The following LDLRAD3 variants were observed in gnomAD, a reference collection of about 807,000 sequenced individuals.
The protein encoded by LDLRAD3 is low-density lipoprotein receptor class A domain-containing protein 3.
A neutral mutation model predicts 29.4 loss-of-function variants in LDLRAD3; 20 were observed. The ratio of observed to expected loss-of-function variants is 0.68; its 90% CI spans 0.48 to 0.99. The LOEUF (loss-of-function observed/expected upper bound fraction) is 0.99, where lower values mean the gene tolerates loss of function less well. Among genes scored for constraint, LDLRAD3 ranks in the 50% least tolerant of loss-of-function variants. LDLRAD3 has a pLI of 0.00. For synonymous variants in LDLRAD3, 157 were observed against 192.7 expected, an observed-to-expected ratio of 0.81 and a Z score of 1.53; for missense variants, 420 against 454.3, an observed-to-expected ratio of 0.92 and a Z score of 0.69.
Position 36,153,743 on chromosome 11 carries a change from C to T in LDLRAD3, c.454+55282C>T, listed in dbSNP as rs114041787. Among the ~76,000 whole-genome samples the T allele has an allele frequency of 3.7e-3, 570 of 152,218 alleles. 2 individuals carry two copies. Among genetic ancestry groups the T allele is most frequent in the African/African-American group, 0.013 (546 of 41,534 alleles). ...AACAAAGGAGAAGGGAGGAATGCAGCTATGTGCATATTTATTTGCTCTAGT... is the reference window on the plus strand; with the variant it reads ...AACAAAGGAGAAGGGAGGAATGCAGTTATGTGCATATTTATTTGCTCTAGT... On this transcript the variant is annotated intron_variant, in intron 4 of 5. Transcript: ENST00000315571.
chr11:36,209,926 A>G (rs1398247822), intron 4 of LDLRAD3, among the ~76,000 whole-genome samples: 7 of 152,246 alleles, frequency 4.6e-5, no homozygotes, highest in African/African-American at 1.7e-4. Context: ...ACTGAACAAA[A>G]TAAATGGGTG....
intron 2 of LDLRAD3, 65 bp downstream of exon 2, chr11:36,036,314 C>A: frequency 6.3e-7 from 1 of 1,594,148 alleles, no homozygotes; most frequent in South Asian, 1.1e-5. Context: ...GGAGCAGGTC[C>A]TGAGCAGGCT....
At chr11:36,122,230 G>T (rs1348976275) in intron 4 of LDLRAD3, among the ~76,000 whole-genome samples, 2 of 152,070 alleles carry the variant, frequency 1.3e-5, no homozygotes, top group Admixed American at 6.6e-5. Context: ...AGGAAGGGCT[G>T]TGCTGTGTGC....
chr11:36,227,302 C>T lies in LDLRAD3; in HGVS notation c.672C>T (p.Asp224=). 1 of 1,614,170 alleles carries T rather than the reference C, an allele frequency of 6.2e-7. No homozygotes were observed. Among genetic ancestry groups the T allele is most frequent in the Non-Finnish European group, 8.5e-7 (1 of 1,180,026 alleles). The change falls in exon 5 of 6, where the codon GAC becomes GAT. Residue 224 remains aspartate, a synonymous_variant. Coordinates refer to ENST00000315571, the MANE Select transcript of LDLRAD3 (RefSeq NM_174902.4). The part of the protein sequence containing the change: ...PVLLSRLVVL[D]HPHHCNVTYN... Reference sequence around the variant, plus strand: ...TGCTGTCCCGCCTGGTGGTCCTGGACCACCCCCACCACTGCAACGTCACCT... The same window carrying T: ...TGCTGTCCCGCCTGGTGGTCCTGGATCACCCCCACCACTGCAACGTCACCT...
intron 2 of LDLRAD3, among the ~76,000 whole-genome samples, chr11:36,046,180 A>G (rs1461195548): frequency 6.6e-6 from 1 of 152,064 alleles, no homozygotes; most frequent in Non-Finnish European, 1.5e-5. Flanking sequence ...TCCATGGTAT[A>G]TATGTGCCAC....
chr11:36,203,226 C>G (rs1855153144), intron 4 of LDLRAD3, among the ~76,000 whole-genome samples: 1 of 152,152 alleles, frequency 6.6e-6, no homozygotes, highest in South Asian at 2.1e-4. Context: ...TCTCAGCCTC[C>G]AAAAGTGCTG....
intron 4 of LDLRAD3, among the ~76,000 whole-genome samples, chr11:36,221,486 C>T (rs1194253981): frequency 6.6e-6 from 1 of 151,990 alleles, no homozygotes; most frequent in Non-Finnish European, 1.5e-5. Flanking sequence ...GAAGCACCTA[C>T]AGGGAGAGAA....
chr11:36,026,965 C>T lies in LDLRAD3; in HGVS notation c.47-9138C>T, dbSNP rs1270043831. On this transcript the variant is annotated intron_variant, in intron 1 of 5. Transcript: ENST00000315571. ...GAGTAGGCATTCTTTTATTCTTTTGCTTTCTTAATAAACTTGCTCTCACGT... is the reference window on the plus strand; with the variant it reads ...GAGTAGGCATTCTTTTATTCTTTTGTTTTCTTAATAAACTTGCTCTCACGT... Among the ~76,000 whole-genome samples, 5 of 152,172 alleles carry T rather than the reference C, an allele frequency of 3.3e-5. No individual in the cohort carries two copies. In the East Asian group the frequency reaches 9.6e-4, roughly 29 times the overall value.
intron 4 of LDLRAD3, among the ~76,000 whole-genome samples, chr11:36,155,507 C>T (rs145263745): frequency 1.2e-3 from 186 of 152,290 alleles, no homozygotes; most frequent in African/African-American, 4.3e-3. Flanking sequence ...CGCTGGCCTC[C>T]GTGCCTGGAA....
rs141925996 is a variant in LDLRAD3 at position 36,124,147 on chromosome 11, A to T, written c.454+25686A>T. On this transcript the variant is annotated intron_variant, in intron 4 of 5. Transcript: ENST00000315571. ...CTGGTCTTCAGCTCTATTTGTGTTT[A>T]TCTGGTGCCTGTCACCGTAATAGCT... Among the ~76,000 whole-genome samples, 819 of 152,332 alleles carry T rather than the reference A, an allele frequency of 5.4e-3. 8 individuals are homozygous for T. The highest frequency in any genetic ancestry group is 0.019 in the African/African-American group (770 of 41,586).
chr11:36,205,974 T>A (rs1855201663), intron 4 of LDLRAD3, among the ~76,000 whole-genome samples: 1 of 152,206 alleles, frequency 6.6e-6, no homozygotes, highest in African/African-American at 2.4e-5. Context: ...TCCTTGTTGC[T>A]CTGGGTGGAA....
intron 4 of LDLRAD3, among the ~76,000 whole-genome samples, chr11:36,172,809 C>T (rs999744935): frequency 6.6e-6 from 1 of 151,972 alleles, no homozygotes; most frequent in Non-Finnish European, 1.5e-5. Flanking sequence ...ATGTCCTTTC[C>T]TGGTTTTGGT....
chr11:36,133,050 A>C (rs1018466823), intron 4 of LDLRAD3, among the ~76,000 whole-genome samples: 1 of 152,238 alleles, frequency 6.6e-6, no homozygotes, highest in Non-Finnish European at 1.5e-5. Context: ...TGTTTGGCCC[A>C]TGGTATGTGC....
At chr11:36,070,209 G>T (rs1416270272) in intron 2 of LDLRAD3, among the ~76,000 whole-genome samples, 1 of 152,190 alleles carries the variant, frequency 6.6e-6, no homozygotes, top group African/African-American at 2.4e-5. Flanking sequence ...GCCAAACAGG[G>T]GCAGATTCTT....
At chr11:36,155,742 G>T (rs61518528) in intron 4 of LDLRAD3, among the ~76,000 whole-genome samples, 3,544 of 152,314 alleles carry the variant, frequency 0.023, 140 homozygotes, top group African/African-American at 0.08. Context: ...GTTCACCCCT[G>T]TTATTCCCAG....
chr11:36,174,972 C>T (rs1854653136), intron 4 of LDLRAD3, among the ~76,000 whole-genome samples: 1 of 151,836 alleles, frequency 6.6e-6, no homozygotes, highest in Admixed American at 6.6e-5. Flanking sequence ...CAGAGCGAGA[C>T]TCCGTCTCAA....
intron 1 of LDLRAD3, among the ~76,000 whole-genome samples, chr11:36,023,343 T>C (rs1255952083): frequency 2.6e-5 from 4 of 151,976 alleles, no homozygotes; most frequent in African/African-American, 9.7e-5. Context: ...GATTATTTTC[T>C]CCTGTTGCAG....
chr11:35,950,479 T>A (rs1379999953), intron 1 of LDLRAD3, among the ~76,000 whole-genome samples: 2 of 152,176 alleles, frequency 1.3e-5, no homozygotes, highest in Non-Finnish European at 2.9e-5. Flanking sequence ...GACAATAGCC[T>A]TCTTTACCTT....
intron 2 of LDLRAD3, among the ~76,000 whole-genome samples, chr11:36,053,729 T>C (rs1245988088): frequency 7.2e-5 from 11 of 152,202 alleles, no homozygotes; most frequent in Non-Finnish European, 1.6e-4. Context: ...TTTTAGATGA[T>C]GCCATTAAGA....
Sources: allele counts gnomAD v4.1 joint callset (sites outside exome capture counted in the v4.1 genomes callset), GRCh38; gene constraint gnomAD v4.1.1; transcripts MANE v1.5; gene names NCBI Gene and HGNC (gene_info 2026-07-23, HGNC 2026-07-21).